Variants in FBLN1 observed in about 807,000 individuals in gnomAD.
The protein encoded by FBLN1 is fibulin-1.
In FBLN1, 34 loss-of-function variants were observed where a neutral mutation model predicts 89.7. The observed-to-expected ratio is 0.38, with a 90% CI of 0.29 to 0.50. FBLN1 has a LOEUF of 0.50. Ranked by LOEUF, FBLN1 falls within the 20% of genes least tolerant of loss-of-function variation. The pLI, the probability that FBLN1 is intolerant of heterozygous loss-of-function variation, is 0.92. For missense variants in FBLN1, 777 were observed against 988.1 expected, an observed-to-expected ratio of 0.79 and a Z score of 2.86; for synonymous variants, 393 against 391.3, an observed-to-expected ratio of 1.00 and a Z score of -0.05.
chr22:45,550,720 A>G lies in FBLN1; in HGVS notation c.1697+105A>G. ...CAGGCTGTGACCTCGGTGTCCTCCC[A>G]TGAGGGACTCAGGGCACTCAAAGAT... On this transcript the variant is annotated intron_variant, in intron 14 of 16. Transcript: ENST00000327858. This position sits in a 1 kb window ranked among gnomAD's most constrained non-coding sequence, Gnocchi z 8.4. 1.3e-6 allele frequency: 2 copies of G among 1,516,538 alleles called. No individual in the cohort carries two copies. The highest frequency in any genetic ancestry group is 1.4e-5 in the African/African-American group (1 of 73,198). 93.9% of individuals were successfully genotyped at this position (1,516,538 alleles called of 1,614,324 possible).
rs115041424 is a variant in FBLN1, at chr22:45,552,871, G to C, written c.1697+2256G>C. 6.0e-3 allele frequency among the ~76,000 whole-genome samples: 392 copies of C among 65,262 alleles called. 3 individuals carry two copies. Among genetic ancestry groups the C allele is most frequent in the African/African-American group, 0.024 (374 of 15,662 alleles). The allele number at this position is 65,262 out of a possible 152,430, so 42.8% of individuals were successfully genotyped here. On this transcript the variant is annotated intron_variant, in intron 14 of 16. Transcript: ENST00000327858. The stretch of plus-strand genomic sequence containing the variant: ...CTGCCCGCAGGAGGAAGTGTGCAAA[G>C]CTGTCCCACAGCCTTCATGGGGCCG...
intron 1 of FBLN1, among the ~76,000 whole-genome samples, chr22:45,507,200 C>T (rs753130107): frequency 1.3e-5 from 2 of 152,166 alleles, no homozygotes; most frequent in Non-Finnish European, 2.9e-5. Flanking sequence ...CTCCTTTAAC[C>T]CCACAGTGGT....
At chr22:45,521,445 A>G (rs1451957112) in intron 2 of FBLN1, among the ~76,000 whole-genome samples, 1 of 152,144 alleles carries the variant, frequency 6.6e-6, no homozygotes, top group African/African-American at 2.4e-5. Flanking sequence ...GGGGCCACAT[A>G]CCTGTCCTAG....
rs769192815 is a variant in FBLN1 at position 45,543,518 on chromosome 22, C to T, written c.1313C>T (p.Ser438Leu). ...TTCCGGCTCTCTGTGGATGGCAGGT[C>T]ATGTGAAGGTGAGGCTGGGGCCCCG... ...VGFRLSVDGR[S>L]CEDINECSSS... The change falls in exon 11 of 17, where the codon TCA becomes TTA. Residue 438 changes from serine to leucine, a missense_variant. Physicochemically the swap from Ser to Leu is moderately radical, Grantham distance 145. Coordinates refer to ENST00000327858, the MANE Select transcript of FBLN1 (RefSeq NM_006486.3). 1.9e-6 allele frequency: 3 copies of T among 1,613,484 alleles called. No homozygotes were observed. The highest frequency in any genetic ancestry group is 2.5e-6 in the Non-Finnish European group (3 of 1,179,964).
At chr22:45,528,778 T>C (rs2088365334) in intron 4 of FBLN1, among the ~76,000 whole-genome samples, 1 of 152,212 alleles carries the variant, frequency 6.6e-6, no homozygotes, top group African/African-American at 2.4e-5. Flanking sequence ...CGTGTCACCA[T>C]TGCCTTAACT....
chr22:45,530,000 T>C (rs1314403066), intron 4 of FBLN1, among the ~76,000 whole-genome samples: 1 of 152,134 alleles, frequency 6.6e-6, no homozygotes, highest in African/African-American at 2.4e-5. Flanking sequence ...TTTCACTTCT[T>C]GTTCTTAGGT....
At chr22:45,573,699 A>AAAAAAAAAAAAAC (rs2088970091) in intron 14 of FBLN1, among the ~76,000 whole-genome samples, 1 of 150,044 alleles carries the variant, frequency 6.7e-6, no homozygotes, top group African/African-American at 2.4e-5. Context: ...AAAAAAAAAA[A>AAAAAAAAAAAAAC]AACCCAAGTA....
rs1236045086 is a variant in FBLN1 at position 45,579,781 on chromosome 22, A to T, written c.1972+2673A>T. 6.6e-6 allele frequency among the ~76,000 whole-genome samples: 1 copy of T among 151,786 alleles called. No homozygotes were observed. The highest frequency in any genetic ancestry group is 1.5e-5 in the Non-Finnish European group (1 of 67,928). ...CGCTGATCTTATTTCTCTGTCTGAGATCTCCTCCTTGGGCTTCCATATCCC... is the reference window on the plus strand; with the variant it reads ...CGCTGATCTTATTTCTCTGTCTGAGTTCTCCTCCTTGGGCTTCCATATCCC... On this transcript the variant is annotated intron_variant, in intron 16 of 16. Transcript: ENST00000327858. This position sits in a 1 kb window ranked among gnomAD's most constrained non-coding sequence, Gnocchi z 5.5.
intron 16 of FBLN1, among the ~76,000 whole-genome samples, chr22:45,587,204 G>A (rs993804754): frequency 2.6e-5 from 4 of 152,122 alleles, no homozygotes; most frequent in African/African-American, 9.7e-5. Context: ...CCCACAGCCG[G>A]CGTTGCTGTG....
chr22:45,595,024 G>A (rs1008604200), intron 16 of FBLN1, among the ~76,000 whole-genome samples: 1 of 152,182 alleles, frequency 6.6e-6, no homozygotes, highest in African/African-American at 2.4e-5. Context: ...AACTGTTAAG[G>A]TCCTCTTTCA....
At position 45,600,628 on chromosome 22, in the gene FBLN1, A is replaced by G. The variant is rs184015668; in HGVS notation, c.*182A>G. Reference sequence around the variant, plus strand: ...CATCTGATGTATTTTCGGTGTTTAAAAAATGAGCCCAGTTGCTCAACTGTT... The same window carrying G: ...CATCTGATGTATTTTCGGTGTTTAAGAAATGAGCCCAGTTGCTCAACTGTT... On this transcript the variant is annotated 3_prime_UTR_variant, in exon 17 of 17. Transcript: ENST00000327858. 1.4e-6 allele frequency: 1 copy of G among 734,316 alleles called. No individual in the cohort carries two copies. Among genetic ancestry groups the G allele is most frequent in the African/African-American group, 1.7e-5 (1 of 57,402 alleles). 45.5% of individuals were successfully genotyped at this position (734,316 alleles called of 1,614,324 possible). A position where few individuals can be genotyped will look rare whatever the true frequency, so the allele number is the denominator to read the frequency against.
intron 14 of FBLN1, chr22:45,565,181 C>T: frequency 6.5e-7 from 1 of 1,546,660 alleles, no homozygotes; most frequent in Non-Finnish European, 8.7e-7. Context: ...AGATGCAGCC[C>T]AGGAGCCTCT....
At position 45,530,491 on chromosome 22, in the gene FBLN1, T is replaced by C. The variant is rs1290100255; in HGVS notation, c.485-774T>C. ...CCCACTGTATGTTTCCTGGGGGCCA[T>C]GCAGAAGGTCCCCAGACCAGTGCTG... On this transcript the variant is annotated intron_variant, in intron 4 of 16. Coordinates refer to ENST00000327858, the MANE Select transcript of FBLN1 (RefSeq NM_006486.3). This position sits in a 1 kb window ranked among gnomAD's most constrained non-coding sequence, Gnocchi z 5.4. Among the ~76,000 whole-genome samples the C allele has an allele frequency of 6.6e-6, 1 of 152,176 alleles. No homozygotes were observed. Among genetic ancestry groups the C allele is most frequent in the Non-Finnish European group, 1.5e-5 (1 of 68,042 alleles).
chr22:45,587,049 C>G (rs1170971508), intron 16 of FBLN1, among the ~76,000 whole-genome samples: 2 of 152,126 alleles, frequency 1.3e-5, no homozygotes, highest in Non-Finnish European at 2.9e-5. Context: ...CCTGCGGGTA[C>G]CCCACCTCCC....
intron 1 of FBLN1, 124 bp downstream of exon 1, chr22:45,503,188 A>T: frequency 2.1e-6 from 1 of 466,062 alleles, no homozygotes; most frequent in Non-Finnish European, 2.8e-6. Context: ...GCGCCCCCGG[A>T]CTGTCAGCGC....
intron 1 of FBLN1, chr22:45,517,528 A>G (rs935292271): frequency 6.4e-6 from 3 of 470,250 alleles, no homozygotes; most frequent in African/African-American, 6.0e-5. Flanking sequence ...CCTGGCTCTG[A>G]GGGTGTGGGC....
chr22:45,505,917 G>A (rs1469939790), intron 1 of FBLN1, among the ~76,000 whole-genome samples: 2 of 152,046 alleles, frequency 1.3e-5, no homozygotes, highest in East Asian at 1.9e-4. Flanking sequence ...GATTGCAGGC[G>A]CCCATCACGC....
Position 45,577,079 on chromosome 22 carries a change from T to G in FBLN1, c.1943T>G (p.Ile648Ser), listed in dbSNP as rs1027805032. ...EGNLRDSFDI[I>S]KRYMDGMTVG... ...AACCTGCGGGACTCTTTTGACATCA[T>G]CAAGCGTTACATGGACGGCATGACC... Residue 648 changes from isoleucine (I) to serine (S), a missense_variant, in exon 16 of 17, where the codon ATC becomes AGC. Transcript: ENST00000327858. This position sits in a 1 kb window ranked among gnomAD's most constrained non-coding sequence, Gnocchi z 6.6. 1.2e-6 allele frequency: 2 copies of G among 1,613,986 alleles called. No homozygotes were observed. Among genetic ancestry groups the G allele is most frequent in the African/African-American group, 2.7e-5 (2 of 74,900 alleles).
At position 45,550,701 on chromosome 22, in the gene FBLN1, G is replaced by A; in HGVS notation, c.1697+86G>A. On this transcript the variant is annotated intron_variant, in intron 14 of 16. Coordinates refer to ENST00000327858, the MANE Select transcript of FBLN1 (RefSeq NM_006486.3). The surrounding 1 kb of genome is among the most constrained non-coding windows in gnomAD (Gnocchi z 8.4). ...TCCCGGGTGGGTGGGTTATCAGGCT[G>A]TGACCTCGGTGTCCTCCCATGAGGG... 6.3e-7 allele frequency: 1 copy of A among 1,585,808 alleles called. No individual in the cohort carries two copies.
Sources: gnomAD v4.1 joint callset for allele counts (sites outside exome capture counted in the v4.1 genomes callset) on GRCh38, gnomAD v4.1.1 for gene constraint, Gnocchi (gnomAD v3.1) non-coding constraint, MANE v1.5 for transcripts, NCBI Gene and HGNC (gene_info 2026-07-23, HGNC 2026-07-21) for gene names.